Variants in ARAP1 observed in about 807,000 individuals in gnomAD.
ARAP1 encodes the protein ArfGAP with RhoGAP domain, ankyrin repeat and PH domain 1, also known as arf-GAP with Rho-GAP domain, ANK repeat and PH domain-containing protein 1.
In ARAP1, 76 loss-of-function variants were observed where a neutral mutation model predicts 172.2. That is an observed-to-expected ratio of 0.44 (90% CI 0.37 to 0.53). ARAP1 has a LOEUF of 0.53. Among genes scored for constraint, ARAP1 ranks in the 20% least tolerant of loss-of-function variants. The probability of loss-of-function intolerance (pLI) is 0.00; values close to 1 mark genes in which losing one functional copy is unlikely to be tolerated. For synonymous variants in ARAP1, 804 were observed against 803.3 expected (o/e 1.00, Z -0.01); for missense variants, 1,686 against 1,977.5 (o/e 0.85, Z 2.80).
chr11:72,733,060 A>G (rs1440463921), intron 1 of ARAP1, among the ~76,000 whole-genome samples: 1 of 152,162 alleles, frequency 6.6e-6, no homozygotes, highest in Non-Finnish European at 1.5e-5. Context: ...AGAGGAAAGG[A>G]TTCGGGGAAC....
At chr11:72,708,151 T>C (rs1045876933) in intron 11 of ARAP1, 4 of 152,056 alleles carry the variant, frequency 2.6e-5, no homozygotes, top group African/African-American at 9.7e-5. Context: ...CATGTGACCA[T>C]GAGTCTACTC....
Position 72,702,974 on chromosome 11 carries a change from G to A in ARAP1, c.2098C>T (p.Pro700Ser), listed in dbSNP as rs1384099568. ...CFSGDPEAPT[P>S]LALAEQAGQT... ...CCCGCCTGCTCTGCAAGAGCCAGGG[G>A]CGTGGGGGCCTCAGGGTCCCCCGAG... The change falls in exon 15 of 35, where the codon CCC becomes TCC. Residue 700 changes from proline (P) to serine (S), a missense_variant. Physicochemically the swap from Pro to Ser is moderately conservative, Grantham distance 74. This residue lies in a region of ARAP1 where 688 missense variants were observed against 856.9 expected (regional missense o/e 0.80). Coordinates refer to ENST00000393609, the MANE Select transcript of ARAP1 (RefSeq NM_001040118.3). 1.9e-6 allele frequency: 3 copies of A among 1,565,802 alleles called. No individual in the cohort carries two copies. The highest frequency in any genetic ancestry group is 2.6e-6 in the Non-Finnish European group (3 of 1,156,254).
intron 1 of ARAP1, among the ~76,000 whole-genome samples, chr11:72,749,846 G>A: frequency 6.6e-6 from 1 of 151,414 alleles, no homozygotes; most frequent in African/African-American, 2.4e-5. Context: ...ACTCCAGCCT[G>A]GGCAACAGAG....
At chr11:72,745,355 A>ATTTTTTTTT (rs35656290) in intron 1 of ARAP1, among the ~76,000 whole-genome samples, 590 of 110,384 alleles carry the variant, frequency 5.3e-3, no homozygotes, top group Non-Finnish European at 6.6e-3. Flanking sequence ...CGTCCGGCTA[A>ATTTTTTTTT]TTTTTTTTTT....
At chr11:72,751,120 C>T (rs752346992) in intron 1 of ARAP1, among the ~76,000 whole-genome samples, 1 of 152,098 alleles carries the variant, frequency 6.6e-6, no homozygotes, top group East Asian at 1.9e-4. Context: ...CATCAGTCAC[C>T]GGTACTCTGC....
Position 72,703,052 on chromosome 11 carries a change from C to A in ARAP1, c.2020G>T (p.Asp674Tyr). Reference protein sequence around the residue: ...KALCAAVTTTDLAETQALLGC... With the variant: ...KALCAAVTTTYLAETQALLGC... Reference sequence around the variant, plus strand: ...AGGAGCGCCTGGGTCTCAGCCAGGTCTGTGGTGGTGACTGCAGCACACAGG... The same window carrying A: ...AGGAGCGCCTGGGTCTCAGCCAGGTATGTGGTGGTGACTGCAGCACACAGG... Residue 674 changes from aspartate to tyrosine, a missense_variant, in exon 15 of 35, where the codon GAC becomes TAC. Coordinates refer to ENST00000393609, the MANE Select transcript of ARAP1 (RefSeq NM_001040118.3). 1 of 1,595,742 alleles carries A rather than the reference C, an allele frequency of 6.3e-7. No homozygotes were observed.
At chr11:72,732,348 G>A (rs1857893396) in intron 2 of ARAP1, among the ~76,000 whole-genome samples, 167 bp downstream of exon 2, 1 of 152,144 alleles carries the variant, frequency 6.6e-6, no homozygotes, top group African/African-American at 2.4e-5. Flanking sequence ...CTGCTGGGAG[G>A]CTCGTAGCAA....
chr11:72,733,961 G>A (rs1209215884), intron 1 of ARAP1, among the ~76,000 whole-genome samples: 2 of 152,028 alleles, frequency 1.3e-5, no homozygotes, highest in Non-Finnish European at 2.9e-5. Context: ...GAGTAGCTGG[G>A]ACTACAGGTG....
Position 72,726,385 on chromosome 11 carries a change from T to G in ARAP1, c.509+235A>C, listed in dbSNP as rs1369883635. 6.6e-6 allele frequency among the ~76,000 whole-genome samples: 1 copy of G among 152,152 alleles called. No individual in the cohort carries two copies. The highest frequency in any genetic ancestry group is 1.5e-5 in the Non-Finnish European group (1 of 68,020). ...CACCCAGCCACCCAAGACAGAAACC[T>G]GGAGGCCTCACTGGCACACGCCCAG... On this transcript the variant is annotated intron_variant, in intron 3 of 34. Transcript: ENST00000393609. The surrounding 1 kb of genome is among the most constrained non-coding windows in gnomAD (Gnocchi z 6.5).
In ARAP1 at chr11:72,695,066, G is replaced by A; in HGVS notation, c.3608C>T (p.Thr1203Ile). 1 of 1,614,088 alleles carries A rather than the reference G, an allele frequency of 6.2e-7. No homozygotes were observed. The highest frequency in any genetic ancestry group is 8.5e-7 in the Non-Finnish European group (1 of 1,180,018). Reference protein sequence around the residue: ...VPASMTAEELTLEILDRRNVG... With the variant: ...VPASMTAEELILEILDRRNVG... ...GTTCCGGCGATCCAGGATCTCCAGG[G>A]TGAGCTCCTCAGCAGTCATGGATGC... The change falls in exon 27 of 35, where the codon ACC becomes ATC. Residue 1203 changes from threonine to isoleucine, a missense_variant. Transcript: ENST00000393609. This position sits in a 1 kb window ranked among gnomAD's most constrained non-coding sequence, Gnocchi z 4.4.
chr11:72,738,501 C>A (rs1565232225), intron 1 of ARAP1, among the ~76,000 whole-genome samples: 1 of 152,212 alleles, frequency 6.6e-6, no homozygotes, highest in South Asian at 2.1e-4. Context: ...AAAGACCTAG[C>A]CCTATGGGGA....
At chr11:72,746,297 T>C (rs934397117) in intron 1 of ARAP1, among the ~76,000 whole-genome samples, 2 of 152,134 alleles carry the variant, frequency 1.3e-5, no homozygotes, top group African/African-American at 2.4e-5. Context: ...CCCAGATTTC[T>C]TGAAGGGGAG....
In ARAP1 at chr11:72,693,109, C is replaced by A; in HGVS notation, c.3954+216G>T. 3 of 706,650 alleles carry A rather than the reference C, an allele frequency of 4.2e-6. No individual in the cohort carries two copies. Among genetic ancestry groups the A allele is most frequent in the Non-Finnish European group, 6.9e-6 (3 of 432,458 alleles). The allele number at this position is 706,650 out of a possible 1,614,324, so 43.8% of individuals were successfully genotyped here. On this transcript the variant is annotated intron_variant, in intron 29 of 34. Coordinates refer to ENST00000393609, the MANE Select transcript of ARAP1 (RefSeq NM_001040118.3). This position sits in a 1 kb window ranked among gnomAD's most constrained non-coding sequence, Gnocchi z 4.6. ...GGGCATGGAGTGGTGTGATGGCATC[C>A]GGGTGCCAGGGCTTAGTGGGGCTAC... is the stretch of plus-strand genomic sequence containing the variant.
Position 72,726,006 on chromosome 11 carries a change from G to A in ARAP1, c.509+614C>T, listed in dbSNP as rs970905081. Among the ~76,000 whole-genome samples the A allele has an allele frequency of 1.3e-5, 2 of 152,156 alleles. No homozygotes were observed. Among genetic ancestry groups the A allele is most frequent in the African/African-American group, 2.4e-5 (1 of 41,422 alleles). On this transcript the variant is annotated intron_variant, in intron 3 of 34. Coordinates refer to ENST00000393609, the MANE Select transcript of ARAP1 (RefSeq NM_001040118.3). This position sits in a 1 kb window ranked among gnomAD's most constrained non-coding sequence, Gnocchi z 6.5. ...AGGAGATTAACATGGAATATCCACA[G>A]GAGCCAGAGGAAACTCAAGAAAACA...
At chr11:72,688,884 T>C in intron 30 of ARAP1, 1 of 254,854 alleles carries the variant, frequency 3.9e-6, no homozygotes, top group East Asian at 1.0e-4. Flanking sequence ...TGAATCAGAT[T>C]GTATGTGGAG....
In ARAP1 at chr11:72,697,669, G is replaced by A. The variant is rs761212172; in HGVS notation, c.2738-20C>T. ...GGATGGCTGTGGAGGGGTTAGTCAA[G>A]GTGAGGCCCAGGTCTTGCTCCTGAT... is the stretch of plus-strand genomic sequence containing the variant. On this transcript the variant is annotated intron_variant, in intron 19 of 34. Coordinates refer to ENST00000393609, the MANE Select transcript of ARAP1 (RefSeq NM_001040118.3). The A allele has an allele frequency of 1.2e-6, 2 of 1,613,890 alleles. No individual in the cohort carries two copies. The highest frequency in any genetic ancestry group is 8.5e-7 in the Non-Finnish European group (1 of 1,179,844).
chr11:72,737,190 G>A (rs1483259336), intron 1 of ARAP1, among the ~76,000 whole-genome samples: 1 of 152,164 alleles, frequency 6.6e-6, no homozygotes, highest in Non-Finnish European at 1.5e-5. Context: ...TATCCTGAGA[G>A]TCCATACCCC....
chr11:72,689,614 T>C (rs754596109), intron 30 of ARAP1: 4 of 152,296 alleles, frequency 2.6e-5, no homozygotes, highest in Non-Finnish European at 5.9e-5. Flanking sequence ...AAGGATGGGC[T>C]GCTTAGGGAC....
At position 72,699,283 on chromosome 11, in the gene ARAP1, C is replaced by A; in HGVS notation, c.2438+134G>T. ...GGCTGGGGCCTCAAGAGACTGGAGT[C>A]GGCCCTTGTGCAGCCTCCGTTTGCT... On this transcript the variant is annotated intron_variant, in intron 17 of 34. Coordinates refer to ENST00000393609, the MANE Select transcript of ARAP1 (RefSeq NM_001040118.3). The surrounding 1 kb of genome is among the most constrained non-coding windows in gnomAD (Gnocchi z 4.2). The A allele has an allele frequency of 6.9e-7, 1 of 1,441,970 alleles. No individual in the cohort carries two copies. The highest frequency in any genetic ancestry group is 1.3e-5 in the South Asian group (1 of 77,178). 89.3% of individuals were successfully genotyped at this position (1,441,970 alleles called of 1,614,324 possible).
Sources: allele counts gnomAD v4.1 joint callset (sites outside exome capture counted in the v4.1 genomes callset), GRCh38; gene constraint gnomAD v4.1.1; regional missense constraint gnomAD v4.1.1; non-coding constraint Gnocchi (gnomAD v3.1); transcripts MANE v1.5; gene names NCBI Gene and HGNC (gene_info 2026-07-23, HGNC 2026-07-21).